The following TTC28 variants were observed in gnomAD, a reference collection of about 807,000 sequenced individuals.
The protein encoded by TTC28 is tetratricopeptide repeat protein 28.
Under a neutral mutation model 198.0 loss-of-function variants are expected in TTC28, and 61 were observed. The ratio of observed to expected loss-of-function variants is 0.31; its 90% CI spans 0.25 to 0.38. The LOEUF (loss-of-function observed/expected upper bound fraction) is 0.38, where lower values mean the gene tolerates loss of function less well. Ranked by LOEUF, TTC28 falls within the 10% of genes least tolerant of loss-of-function variation. TTC28 has a pLI of 1.00. For synonymous variants in TTC28, 1,171 were observed against 1,297.8 expected, an observed-to-expected ratio of 0.90 and a Z score of 2.10; for missense variants, 2,678 against 3,164.0, an observed-to-expected ratio of 0.85 and a Z score of 3.69.
chr22:28,421,123 C>T (rs1166137010), intron 2 of TTC28, among the ~76,000 whole-genome samples: 2 of 152,108 alleles, frequency 1.3e-5, no homozygotes, highest in East Asian at 3.9e-4. Context: ...CTAACATGGA[C>T]CCAAATTGTG....
Position 28,276,166 on chromosome 22 carries a change from G to A in TTC28, c.933+20032C>T, listed in dbSNP as rs552893062. 1.6e-4 allele frequency among the ~76,000 whole-genome samples: 25 copies of A among 151,758 alleles called. No individual in the cohort carries two copies. The South Asian group carries it at 5.2e-3, about 32-fold the overall frequency. On this transcript the variant is annotated intron_variant, in intron 5 of 22. Transcript: ENST00000397906. ...AGCTGGGATCACAGGCATGCACCAC[G>A]ACGCCTGGCTAATTTTGTGTATTTT...
At chr22:28,617,120 C>G (rs1348106243) in intron 2 of TTC28, among the ~76,000 whole-genome samples, 1 of 151,984 alleles carries the variant, frequency 6.6e-6, no homozygotes, top group African/African-American at 2.4e-5. Flanking sequence ...TACTTTGCAA[C>G]TGACTTATCT....
intron 1 of TTC28, among the ~76,000 whole-genome samples, chr22:28,677,175 A>AAAT (rs1555910210): frequency 2.9e-5 from 2 of 69,446 alleles, no homozygotes; most frequent in African/African-American, 7.4e-5. Flanking sequence ...AAAAAAAAAA[A>AAAT]ATATATATAT....
At position 28,001,176 on chromosome 22, in the gene TTC28, C is replaced by T. The variant is rs1937670551; in HGVS notation, c.4398+198G>A. ...GGCTTCCCAAGGCAGCAAAGAATGGCCAGGGGTCATGAGGGCCGTGCCCCA... is the reference window on the plus strand; with the variant it reads ...GGCTTCCCAAGGCAGCAAAGAATGGTCAGGGGTCATGAGGGCCGTGCCCCA... On this transcript the variant is annotated intron_variant, in intron 15 of 22. Transcript: ENST00000397906. The T allele has an allele frequency of 1.8e-5, 11 of 608,592 alleles. 1 individual carries two copies. The South Asian group carries it at 2.6e-4, about 14-fold the overall frequency. 37.7% of individuals were successfully genotyped at this position (608,592 alleles called of 1,614,324 possible).
intron 1 of TTC28, among the ~76,000 whole-genome samples, chr22:28,645,035 C>T (rs1463412185): frequency 6.6e-6 from 1 of 151,608 alleles, no homozygotes; most frequent in Non-Finnish European, 1.5e-5. Flanking sequence ...GTCCCAGCTA[C>T]TCAGGAGGCT....
At chr22:28,420,593 TTTG>T (rs1017570854) in intron 2 of TTC28, among the ~76,000 whole-genome samples, 8 of 151,894 alleles carry the variant, frequency 5.3e-5, no homozygotes, top group South Asian at 2.1e-4. Context: ...AGGTGTTTTT[TTTG>T]TTGTTGTTGT....
intron 12 of TTC28, among the ~76,000 whole-genome samples, chr22:28,047,598 C>T (rs1013957940): frequency 5.9e-5 from 9 of 152,200 alleles, no homozygotes; most frequent in East Asian, 1.9e-4. Context: ...GTTCGCAAAG[C>T]CATGTATCCA....
In TTC28 at chr22:28,105,305, G is replaced by A; in HGVS notation, c.3281C>T (p.Ser1094Phe). ...GRTHHALQNY[S>F]QAVMYLQEGL... ...TTCCTGTAAGTACATGACTGCTTGG[G>A]AATAGTTCTGCAAGGCATGATGGGT... The change falls in exon 8 of 23, where the codon TCC becomes TTC. Residue 1094 changes from serine (S) to phenylalanine (F), a missense_variant. By Grantham distance (155) the Ser-to-Phe change is radical. Transcript: ENST00000397906. The A allele has an allele frequency of 1.9e-6, 3 of 1,551,652 alleles. No individual in the cohort carries two copies. Among genetic ancestry groups the A allele is most frequent in the Non-Finnish European group, 2.6e-6 (3 of 1,146,988 alleles).
At position 28,278,670 on chromosome 22, in the gene TTC28, C is replaced by T. The variant is rs537144095; in HGVS notation, c.933+17528G>A. On this transcript the variant is annotated intron_variant, in intron 5 of 22. Coordinates refer to ENST00000397906, the MANE Select transcript of TTC28 (RefSeq NM_001145418.2). The stretch of plus-strand genomic sequence containing the variant: ...CTTGCAAGAGAGAGGTGACTCCCCA[C>T]GGCAGATGCTGTAAGAAAAGGCTCT... 1.7e-4 allele frequency among the ~76,000 whole-genome samples: 26 copies of T among 152,316 alleles called. 1 individual carries two copies. The highest frequency in any genetic ancestry group is 1.3e-3 in the East Asian group (7 of 5,186).
chr22:28,394,077 T>C (rs185196303), intron 2 of TTC28, among the ~76,000 whole-genome samples: 212 of 151,256 alleles, frequency 1.4e-3, no homozygotes, highest in Non-Finnish European at 2.4e-3. Context: ...CAAGCCAGCA[T>C]TTTTTTTACT....
At chr22:28,069,680 AAGACAAGTT>A in intron 12 of TTC28, among the ~76,000 whole-genome samples, 1 of 152,306 alleles carries the variant, frequency 6.6e-6, no homozygotes, top group South Asian at 2.1e-4. Context: ...CTCATTTTCA[AAGACAAGTT>A]AGACAAGTAG....
chr22:28,236,194 A>G (rs1929234488), intron 5 of TTC28, among the ~76,000 whole-genome samples: 1 of 152,214 alleles, frequency 6.6e-6, no homozygotes, highest in African/African-American at 2.4e-5. Context: ...TTTTTCTGCC[A>G]GCTCCAGTTT....
chr22:28,433,903 T>C (rs1328863568), intron 2 of TTC28, among the ~76,000 whole-genome samples: 1 of 152,232 alleles, frequency 6.6e-6, no homozygotes, highest in Non-Finnish European at 1.5e-5. Context: ...TTTCAGTCTC[T>C]GACACTGCAT....
intron 1 of TTC28, among the ~76,000 whole-genome samples, chr22:28,670,766 T>C (rs1177523678): frequency 6.6e-6 from 1 of 150,446 alleles, no homozygotes; most frequent in Admixed American, 6.6e-5. Context: ...ATGTTTAACA[T>C]TTTGAGGAGA....
intron 14 of TTC28, chr22:28,002,578 A>G (rs1437601093): frequency 6.6e-6 from 1 of 151,812 alleles, no homozygotes; most frequent in Non-Finnish European, 1.5e-5. Flanking sequence ...GCCTGGCGGG[A>G]TGTTCAGTCT....
chr22:27,990,083 C>G, intron 20 of TTC28, 76 bp from the exon 21 acceptor site: 1 of 1,492,074 alleles, frequency 6.7e-7, no homozygotes, highest in South Asian at 1.3e-5. Flanking sequence ...ACCCATTATT[C>G]TTATGTCACC....
chr22:28,603,069 CG>C (rs1212230505), intron 2 of TTC28, among the ~76,000 whole-genome samples: 1 of 151,930 alleles, frequency 6.6e-6, no homozygotes, highest in African/African-American at 2.4e-5. Flanking sequence ...TTAGTAGAGA[CG>C]GGGTTTCACC....
At chr22:28,542,359 G>A (rs2049432689) in intron 2 of TTC28, among the ~76,000 whole-genome samples, 1 of 152,064 alleles carries the variant, frequency 6.6e-6, no homozygotes, top group African/African-American at 2.4e-5. Flanking sequence ...GCCACAGAAG[G>A]TGAGGAAGGA....
At chr22:28,674,251 G>GTT (rs2051939769) in intron 1 of TTC28, among the ~76,000 whole-genome samples, 1 of 136,274 alleles carries the variant, frequency 7.3e-6, no homozygotes, top group South Asian at 2.3e-4. Context: ...TCTGTTTGTG[G>GTT]TTTTTTCTTT....
Sources: allele counts gnomAD v4.1 joint callset (sites outside exome capture counted in the v4.1 genomes callset), GRCh38; gene constraint gnomAD v4.1.1; transcripts MANE v1.5; gene names NCBI Gene and HGNC (gene_info 2026-07-23, HGNC 2026-07-21).